PPP2R2D: variants seen among roughly 807,000 people sequenced by gnomAD.
The protein encoded by PPP2R2D is serine/threonine-protein phosphatase 2A 55 kDa regulatory subunit B delta isoform.
Under a neutral mutation model 31.1 loss-of-function variants are expected in PPP2R2D, and 9 were observed. That is an observed-to-expected ratio of 0.29 (90% CI 0.17 to 0.51). The LOEUF (loss-of-function observed/expected upper bound fraction) is 0.51, where lower values mean the gene tolerates loss of function less well. PPP2R2D is among the 20% of genes least tolerant of loss of function. The pLI is 0.98. For missense variants in PPP2R2D, 391 were observed against 465.6 expected (o/e 0.84, Z 1.48); for synonymous variants, 179 against 172.6 (o/e 1.04, Z -0.29).
intron 2 of PPP2R2D, among the ~76,000 whole-genome samples, chr10:131,918,312 C>G (rs535433561): frequency 1.6e-3 from 227 of 141,272 alleles, no homozygotes; most frequent in African/African-American, 5.6e-3. Context: ...AGGGATCTCA[C>G]GTGGGTGGAA....
At chr10:131,964,137 T>G (rs1195037792), downstream of PPP2R2D, among the ~76,000 whole-genome samples, 1 of 152,196 alleles carries the variant, frequency 6.6e-6, no homozygotes, top group Non-Finnish European at 1.5e-5. Context: ...ACGGAAGAGA[T>G]CTGGCCTCCT....
chr10:131,966,154 T>C, the PPP2R2D span, among the ~76,000 whole-genome samples: 1 of 152,214 alleles, frequency 6.6e-6, no homozygotes, highest in Non-Finnish European at 1.5e-5. Context: ...TCCTCTCTCT[T>C]GCAGCCATGT....
chr10:131,906,830 A>G lies in PPP2R2D; in HGVS notation c.100+5500A>G, dbSNP rs997781072. On this transcript the variant is annotated intron_variant, in intron 2 of 8. Transcript: ENST00000455566. ...GTAGTACACACCTGTAGTCCCAGCT[A>G]CTCAGGAGGCTGAGGTGGGGGCATC... Among the ~76,000 whole-genome samples, 344 of 151,520 alleles carry G rather than the reference A, an allele frequency of 2.3e-3. 1 individual carries two copies. Among genetic ancestry groups the G allele is most frequent in the African/African-American group, 8.0e-3 (329 of 41,332 alleles).
At chr10:131,953,240 C>T (rs1554899284) in intron 8 of PPP2R2D, among the ~76,000 whole-genome samples, 1 of 59,464 alleles carries the variant, frequency 1.7e-5, no homozygotes, top group African/African-American at 7.3e-5. Context: ...ACTGTCTTAG[C>T]AGTGACTTGC....
At chr10:131,948,479 A>G (rs1313236285) in intron 8 of PPP2R2D, among the ~76,000 whole-genome samples, 1 of 152,240 alleles carries the variant, frequency 6.6e-6, no homozygotes, top group African/African-American at 2.4e-5. Flanking sequence ...GATATTCTGC[A>G]AAACCCTCTG....
the PPP2R2D span, chr10:131,966,384 C>T: frequency 4.6e-5 from 7 of 152,222 alleles, no homozygotes; most frequent in Non-Finnish European, 1.0e-4. Flanking sequence ...GGGTTATTTA[C>T]AGAAGCTATT....
At chr10:131,920,418 C>T (rs1429809271) in intron 2 of PPP2R2D, among the ~76,000 whole-genome samples, 7 of 151,434 alleles carry the variant, frequency 4.6e-5, no homozygotes, top group East Asian at 3.9e-4. Context: ...GGACCTCACG[C>T]GGGTGGAATG....
chr10:131,954,011 T>C (rs1283217405), intron 8 of PPP2R2D, among the ~76,000 whole-genome samples: 1 of 152,200 alleles, frequency 6.6e-6, no homozygotes, highest in Non-Finnish European at 1.5e-5. Flanking sequence ...GGCGTTTCAG[T>C]GCTGCCTCAG....
Position 131,955,790 on chromosome 10 carries a change from A to G in PPP2R2D, c.1189A>G (p.Ser397Gly). Residue 397 changes from serine (S) to glycine (G), a missense_variant, in exon 9 of 9, where the codon AGC becomes GGC. Coordinates refer to ENST00000455566, the MANE Select transcript of PPP2R2D (RefSeq NM_018461.5). ...ASRESSKPRASLKPRKVCTGG... is the reference protein window; with the variant it reads ...ASRESSKPRAGLKPRKVCTGG... ...GAGAGAGAGCAGCAAACCGCGCGCC[A>G]GCCTCAAACCCCGGAAGGTGTGTAC... 6.3e-7 allele frequency: 1 copy of G among 1,597,528 alleles called. No individual in the cohort carries two copies. The highest frequency in any genetic ancestry group is 1.3e-5 in the African/African-American group (1 of 74,454).
chr10:131,922,903 T>G (rs1174363343), intron 2 of PPP2R2D, among the ~76,000 whole-genome samples: 2 of 152,208 alleles, frequency 1.3e-5, no homozygotes, highest in African/African-American at 4.8e-5. Context: ...TTGGAATAAT[T>G]TAGTCTACTT....
intron 2 of PPP2R2D, among the ~76,000 whole-genome samples, chr10:131,923,334 C>T (rs1298327797): frequency 1.3e-5 from 2 of 148,504 alleles, no homozygotes; most frequent in Admixed American, 1.4e-4. Flanking sequence ...CCTGGTCAAA[C>T]AGTTTTCCAT....
chr10:131,910,531 A>G (rs1315546654), intron 2 of PPP2R2D, among the ~76,000 whole-genome samples: 1 of 152,256 alleles, frequency 6.6e-6, no homozygotes, highest in Non-Finnish European at 1.5e-5. Context: ...TTTCAAGTCA[A>G]TTTCTGCCAG....
chr10:131,960,538 GTGTC>G (rs1297698794), downstream of PPP2R2D, among the ~76,000 whole-genome samples: 2 of 152,320 alleles, frequency 1.3e-5, no homozygotes, highest in African/African-American at 4.8e-5. Context: ...CAGCATGTGC[GTGTC>G]TGTCTGTCCT....
intron 2 of PPP2R2D, among the ~76,000 whole-genome samples, chr10:131,906,853 A>G (rs2035596021): frequency 6.6e-6 from 1 of 151,916 alleles, no homozygotes; most frequent in Non-Finnish European, 1.5e-5. Context: ...AGGTGGGGGC[A>G]TCGCTTGAGC....
rs376448645 is a variant in PPP2R2D at position 131,945,288 on chromosome 10, C to T, written c.656-7C>T. ...CTGAGCACTGTGCCTTAACCATGCA[C>T]TCCCAGACATCGTGGACATCAAGCC... On this transcript the variant is annotated splice_polypyrimidine_tract_variant and splice_region_variant and intron_variant, in intron 6 of 8. Transcript: ENST00000455566. This position sits in a 1 kb window ranked among gnomAD's most constrained non-coding sequence, Gnocchi z 4.8. 4 of 1,611,688 alleles carry T rather than the reference C, an allele frequency of 2.5e-6. No individual in the cohort carries two copies. In the African/African-American group the frequency reaches 5.3e-5, roughly 22 times the overall value.
At chr10:131,953,315 A>G (rs201470309) in intron 8 of PPP2R2D, among the ~76,000 whole-genome samples, 295 of 49,836 alleles carry the variant, frequency 5.9e-3, no homozygotes, top group Middle Eastern at 0.062. Flanking sequence ...AGTGACTTGC[A>G]GGTGTGCGGG....
chr10:131,935,122 C>T (rs1554896286), intron 3 of PPP2R2D: 2 of 360,898 alleles, frequency 5.5e-6, no homozygotes, highest in Non-Finnish European at 1.1e-5. Context: ...GCACTGGCTT[C>T]CCGGTCACGG....
intron 3 of PPP2R2D, 36 bp downstream of exon 3, chr10:131,934,591 A>T (rs1554896191): frequency 1.3e-6 from 1 of 766,416 alleles, no homozygotes. Context: ...AAATGCAATT[A>T]TTCAACCTTT....
At chr10:131,913,253 A>G (rs1213353136) in intron 2 of PPP2R2D, among the ~76,000 whole-genome samples, 1 of 149,096 alleles carries the variant, frequency 6.7e-6, no homozygotes, top group Non-Finnish European at 1.5e-5. Flanking sequence ...CTGGTCTCGA[A>G]CTCCTGAGCT....
Sources: allele counts gnomAD v4.1 joint callset (sites outside exome capture counted in the v4.1 genomes callset), GRCh38; gene constraint gnomAD v4.1.1; non-coding constraint Gnocchi (gnomAD v3.1); transcripts MANE v1.5; gene names NCBI Gene and HGNC (gene_info 2026-07-23, HGNC 2026-07-21).